The following CCDC102B variants were observed in gnomAD, a reference collection of about 807,000 sequenced individuals.
CCDC102B encodes the protein coiled-coil domain containing 102B, also known as coiled-coil domain-containing protein 102B.
CCDC102B carries 75 observed loss-of-function variants against 57.4 expected under a neutral mutation model. The ratio of observed to expected loss-of-function variants is 1.31; its 90% CI spans 1.08 to 1.58. The LOEUF is 1.58. CCDC102B is among the 40% of genes most tolerant of loss of function. The pLI is 0.00. For missense variants in CCDC102B, 636 were observed against 582.6 expected (o/e 1.09, Z -0.94); for synonymous variants, 206 against 201.9 (o/e 1.02, Z -0.17).
chr18:68,996,814 G>C (rs2051040800), intron 6 of CCDC102B, among the ~76,000 whole-genome samples: 1 of 152,200 alleles, frequency 6.6e-6, no homozygotes, highest in African/African-American at 2.4e-5. Flanking sequence ...GCTTGGGAAG[G>C]CATGATTGGT....
At chr18:69,012,629 CT>C (rs367599843) in intron 7 of CCDC102B, among the ~76,000 whole-genome samples, 14 of 148,456 alleles carry the variant, frequency 9.4e-5, no homozygotes, top group Admixed American at 1.3e-4. Flanking sequence ...TGGCGTGTTT[CT>C]TTTTTTTTTA....
At chr18:68,899,383 T>C (rs1431093583) in intron 6 of CCDC102B, among the ~76,000 whole-genome samples, 1 of 152,004 alleles carries the variant, frequency 6.6e-6, no homozygotes, top group African/African-American at 2.4e-5. Flanking sequence ...CAATAAGAAT[T>C]AATTTATATG....
intron 6 of CCDC102B, among the ~76,000 whole-genome samples, chr18:68,932,576 T>G (rs1164525741): frequency 6.6e-6 from 1 of 151,952 alleles, no homozygotes; most frequent in Non-Finnish European, 1.5e-5. Flanking sequence ...TTTTCCATTT[T>G]ACACAAAAAT....
At chr18:68,919,368 A>G (rs1343214467) in intron 6 of CCDC102B, among the ~76,000 whole-genome samples, 2 of 152,224 alleles carry the variant, frequency 1.3e-5, no homozygotes, top group East Asian at 3.9e-4. Context: ...TTAACATGGT[A>G]ATACCCAAGA....
At chr18:68,874,178 G>A (rs982493584) in intron 4 of CCDC102B, among the ~76,000 whole-genome samples, 4 of 48,204 alleles carry the variant, frequency 8.3e-5, no homozygotes, top group Admixed American at 2.4e-4. Context: ...GTATGTGTGT[G>A]TGTGTGTGTG....
chr18:68,723,441 G>T (rs2032450089), intron 2 of CCDC102B, among the ~76,000 whole-genome samples: 1 of 152,196 alleles, frequency 6.6e-6, no homozygotes, highest in South Asian at 2.1e-4. Context: ...CTGAGACAAG[G>T]TAAGTCCCTT....
chr18:69,041,693 A>G (rs1032375232), intron 7 of CCDC102B, among the ~76,000 whole-genome samples: 1 of 151,894 alleles, frequency 6.6e-6, no homozygotes, highest in Non-Finnish European at 1.5e-5. Flanking sequence ...CTAGCAGTCT[A>G]TCTTATGAAT....
At chr18:68,796,674 G>A (rs1362655809), upstream of CCDC102B, among the ~76,000 whole-genome samples, 1 of 152,024 alleles carries the variant, frequency 6.6e-6, no homozygotes, top group East Asian at 1.9e-4. Context: ...AGGGTGAGAA[G>A]GGCCAGCAAA....
intron 2 of CCDC102B, among the ~76,000 whole-genome samples, chr18:68,739,099 A>ATTG (rs2033274313): frequency 6.6e-6 from 1 of 151,550 alleles, no homozygotes; most frequent in Non-Finnish European, 1.5e-5. Context: ...GGATCAAGCG[A>ATTG]TTCTTGTGCC....
chr18:69,034,066 G>T (rs1234691490), intron 7 of CCDC102B, among the ~76,000 whole-genome samples: 3 of 151,680 alleles, frequency 2.0e-5, no homozygotes, highest in East Asian at 1.9e-4. Flanking sequence ...TTTAGTTGTG[G>T]TTTTTTTAAT....
intron 2 of CCDC102B, among the ~76,000 whole-genome samples, chr18:68,742,638 G>T (rs566783355): frequency 6.6e-6 from 1 of 152,314 alleles, no homozygotes; most frequent in African/African-American, 2.4e-5. Context: ...GATTGGGTGG[G>T]TGTCTGGTAG....
chr18:68,949,836 A>G (rs1488501979), intron 6 of CCDC102B, among the ~76,000 whole-genome samples: 1 of 152,182 alleles, frequency 6.6e-6, no homozygotes, highest in Admixed American at 6.6e-5. Context: ...CATGTCCCAG[A>G]CAGCACCCAT....
intron 3 of CCDC102B, among the ~76,000 whole-genome samples, chr18:68,843,927 G>C (rs1350487412): frequency 6.6e-6 from 1 of 151,690 alleles, no homozygotes; most frequent in Non-Finnish European, 1.5e-5. Context: ...TGTCCTTAAT[G>C]CTGGCAGAGA....
intron 1 of CCDC102B, among the ~76,000 whole-genome samples, chr18:68,825,534 A>T (rs2036873461): frequency 6.6e-6 from 1 of 152,076 alleles, no homozygotes; most frequent in African/African-American, 2.4e-5. Context: ...TACTAAAAAT[A>T]TAAAAATTAG....
At chr18:68,980,392 G>T in intron 6 of CCDC102B, among the ~76,000 whole-genome samples, 1 of 142,206 alleles carries the variant, frequency 7.0e-6, no homozygotes. Context: ...TCTAGGTCTT[G>T]GTGAAAAAAA....
At chr18:68,744,645 G>A (rs892190276) in intron 2 of CCDC102B, among the ~76,000 whole-genome samples, 47 of 152,180 alleles carry the variant, frequency 3.1e-4, no homozygotes, top group African/African-American at 9.9e-4. Flanking sequence ...GGATTCAACC[G>A]TGTAGGACCA....
chr18:68,923,206 CAG>C (rs2041347352), intron 6 of CCDC102B, among the ~76,000 whole-genome samples: 1 of 151,380 alleles, frequency 6.6e-6, no homozygotes, highest in Non-Finnish European at 1.5e-5. Flanking sequence ...TTAATAAAAA[CAG>C]GGAATCATTT....
chr18:68,784,744 A>C (rs1568248288), intron 2 of CCDC102B, among the ~76,000 whole-genome samples: 1 of 152,190 alleles, frequency 6.6e-6, no homozygotes, highest in Non-Finnish European at 1.5e-5. Flanking sequence ...GCAACATGTT[A>C]GGATCAAGAA....
rs186443890 is a variant in CCDC102B at position 68,893,849 on chromosome 18, C to T, written c.1054-3370C>T. Among the ~76,000 whole-genome samples, 541 of 152,170 alleles carry T rather than the reference C, an allele frequency of 3.6e-3. 3 individuals carry two copies. The highest frequency in any genetic ancestry group is 6.4e-3 in the Non-Finnish European group (435 of 67,970). On this transcript the variant is annotated intron_variant, in intron 5 of 7. Coordinates refer to ENST00000360242, the MANE Select transcript of CCDC102B (RefSeq NM_024781.3). ...GATTCTGATATTCATACTTATTTTT[C>T]AGAACCAGTCCGTGTTTGTCCAGTT...
Sources: allele counts gnomAD v4.1 joint callset (sites outside exome capture counted in the v4.1 genomes callset), GRCh38; gene constraint gnomAD v4.1.1; transcripts MANE v1.5; gene names NCBI Gene and HGNC (gene_info 2026-07-23, HGNC 2026-07-21).